ATP9B: variants seen among roughly 807,000 people sequenced by gnomAD.
The protein encoded by ATP9B is probable phospholipid-transporting ATPase IIB.
In ATP9B, 110 loss-of-function variants were observed where a neutral mutation model predicts 146.1. The ratio of observed to expected loss-of-function variants is 0.75; its 90% CI spans 0.65 to 0.88. The LOEUF is 0.88. ATP9B is among the 40% of genes least tolerant of loss of function. The pLI is 0.00. For synonymous variants in ATP9B, 604 were observed against 569.7 expected, an observed-to-expected ratio of 1.06 and a Z score of -0.86; for missense variants, 1,499 against 1,496.4, an observed-to-expected ratio of 1.00 and a Z score of -0.03.
chr18:79,080,042 A>T (rs963032816), intron 1 of ATP9B, among the ~76,000 whole-genome samples: 1 of 152,070 alleles, frequency 6.6e-6, no homozygotes, highest in African/African-American at 2.4e-5. Flanking sequence ...CTGTTACTGT[A>T]GCCTTGTAGT....
rs186477273 is a variant in ATP9B at position 79,074,173 on chromosome 18, C to T, written c.119+4644C>T. Among the ~76,000 whole-genome samples, 9 of 152,282 alleles carry T rather than the reference C, an allele frequency of 5.9e-5. No individual in the cohort carries two copies. The East Asian group carries it at 1.7e-3, about 29-fold the overall frequency. On this transcript the variant is annotated intron_variant, in intron 1 of 29. Transcript: ENST00000426216. Reference sequence around the variant, plus strand: ...TTATGTGGTATCACTGGGGCTCTTCCTGGTCTCTGTTGGTGCTGCGTGAGA... The same window carrying T: ...TTATGTGGTATCACTGGGGCTCTTCTTGGTCTCTGTTGGTGCTGCGTGAGA...
intron 4 of ATP9B, among the ~76,000 whole-genome samples, chr18:79,124,023 G>A (rs1181326156): frequency 6.6e-6 from 1 of 152,214 alleles, no homozygotes; most frequent in Non-Finnish European, 1.5e-5. Flanking sequence ...GTGTTGGTGA[G>A]GATGTGGAGA....
intron 9 of ATP9B, among the ~76,000 whole-genome samples, chr18:79,196,203 A>G: frequency 6.6e-6 from 1 of 152,120 alleles, no homozygotes; most frequent in East Asian, 1.9e-4. Context: ...CTCCTTCAAA[A>G]CTGTCCTGCA....
intron 6 of ATP9B, among the ~76,000 whole-genome samples, chr18:79,153,020 G>A (rs1389787138): frequency 1.3e-5 from 2 of 151,948 alleles, no homozygotes; most frequent in African/African-American, 2.4e-5. Context: ...TTTATGTAGA[G>A]GTCTTGCACA....
intron 9 of ATP9B, among the ~76,000 whole-genome samples, chr18:79,198,672 A>C (rs1377981506): frequency 6.6e-6 from 1 of 152,226 alleles, no homozygotes; most frequent in African/African-American, 2.4e-5. Flanking sequence ...CAGTTGTCAC[A>C]CAATGATAAG....
intron 26 of ATP9B, among the ~76,000 whole-genome samples, chr18:79,369,389 T>C (rs1189963332): frequency 6.6e-6 from 1 of 151,796 alleles, no homozygotes; most frequent in African/African-American, 2.4e-5. Context: ...AAAAATTAGC[T>C]GGGTGTGGTG....
chr18:79,331,379 A>G (rs890851111), intron 17 of ATP9B, among the ~76,000 whole-genome samples: 8 of 152,368 alleles, frequency 5.3e-5, no homozygotes, highest in Non-Finnish European at 8.8e-5. Flanking sequence ...ATGATGTGCA[A>G]TTAATTGTAA....
intron 9 of ATP9B, among the ~76,000 whole-genome samples, chr18:79,199,429 GT>G (rs1434179544): frequency 2.6e-5 from 4 of 152,002 alleles, no homozygotes; most frequent in African/African-American, 9.7e-5. Context: ...GTCTTTTTTA[GT>G]TTTTAAAAAT....
intron 5 of ATP9B, among the ~76,000 whole-genome samples, chr18:79,136,714 T>C (rs914670873): frequency 1.3e-5 from 2 of 152,194 alleles, no homozygotes; most frequent in Non-Finnish European, 2.9e-5. Context: ...CCACAAGGTC[T>C]ATTCTATTGT....
At chr18:79,327,711 C>CTGAGCA (rs2096762723) in intron 15 of ATP9B, among the ~76,000 whole-genome samples, 1 of 84,372 alleles carries the variant, frequency 1.2e-5, no homozygotes, top group Non-Finnish European at 2.3e-5. Context: ...GTGCTCTCTC[C>CTGAGCA]ATGGTTAGCG....
In ATP9B at chr18:79,327,646, C is replaced by CGTGCCCTCCGTGTTT. The variant is rs1242877078; in HGVS notation, c.1774-1495_1774-1494insGTGCCCTCCGTGTTT. 4.0e-5 allele frequency among the ~76,000 whole-genome samples: 5 copies of CGTGCCCTCCGTGTTT among 124,326 alleles called. No individual in the cohort carries two copies. In the South Asian group the frequency reaches 8.3e-4, roughly 21 times the overall value. 81.6% of individuals were successfully genotyped at this position (124,326 alleles called of 152,430 possible). A position where few individuals can be genotyped will look rare whatever the true frequency, so the allele number is the denominator to read the frequency against. On this transcript the variant is annotated intron_variant, in intron 15 of 29. Transcript: ENST00000426216. ...TGGTTAGTGTGCCCTCCCTGGTTAG[C>CGTGCCCTCCGTGTTT]ATGCTCTCCGTGTTTAGCGTGCTCT...
chr18:79,375,526 C>G, intron 29 of ATP9B, 100 bp downstream of exon 29: 2 of 1,521,848 alleles, frequency 1.3e-6, no homozygotes, highest in South Asian at 2.4e-5. Context: ...TCCTCTAATT[C>G]AGTGTTCCTC....
intron 1 of ATP9B, 120 bp from the exon 2 acceptor site, chr18:79,096,352 CTTAT>C: frequency 1.1e-6 from 1 of 934,350 alleles, no homozygotes; most frequent in Non-Finnish European, 1.6e-6. Flanking sequence ...CCTCTGCAGT[CTTAT>C]TTATAATGCT....
intron 7 of ATP9B, among the ~76,000 whole-genome samples, chr18:79,167,098 G>A (rs2094979846): frequency 1.3e-5 from 2 of 152,226 alleles, no homozygotes; most frequent in Non-Finnish European, 2.9e-5. Flanking sequence ...CAAAGAGGAT[G>A]TCACAGCCCT....
Position 79,071,886 on chromosome 18 carries a change from TTTG to T in ATP9B, c.119+2360_119+2362del, listed in dbSNP as rs1332024490. Among the ~76,000 whole-genome samples, 639 of 72,568 alleles carry T rather than the reference TTTG, an allele frequency of 8.8e-3. 8 individuals carry two copies. The highest frequency in any genetic ancestry group is 0.045 in the Middle Eastern group (5 of 112). 47.6% of individuals were successfully genotyped at this position (72,568 alleles called of 152,430 possible). A position where few individuals can be genotyped will look rare whatever the true frequency, so the allele number is the denominator to read the frequency against. On this transcript the variant is annotated intron_variant, in intron 1 of 29. Transcript: ENST00000426216. ...GATTTCTTTGGATTTCATGTTTGGT[TTTG>T]TTTTTTTTTTTTTTTTTGGTTTTCG...
chr18:79,191,218 C>G (rs922283140), intron 8 of ATP9B, among the ~76,000 whole-genome samples: 2 of 151,906 alleles, frequency 1.3e-5, no homozygotes, highest in South Asian at 4.2e-4. Context: ...TAGTTCTTCT[C>G]TTGTGTATAA....
At chr18:79,188,140 T>C (rs2095326503) in intron 8 of ATP9B, among the ~76,000 whole-genome samples, 1 of 152,096 alleles carries the variant, frequency 6.6e-6, no homozygotes, top group African/African-American at 2.4e-5. Context: ...CCAGAGGAAG[T>C]AGGTGTTCCA....
At chr18:79,211,773 G>A (rs1173078254) in intron 10 of ATP9B, among the ~76,000 whole-genome samples, 1 of 152,136 alleles carries the variant, frequency 6.6e-6, no homozygotes, top group African/African-American at 2.4e-5. Context: ...TTGTTGTTGT[G>A]GTTGTGGTTT....
chr18:79,297,286 G>T (rs1438185942), intron 13 of ATP9B, among the ~76,000 whole-genome samples: 1 of 148,774 alleles, frequency 6.7e-6, no homozygotes, highest in Non-Finnish European at 1.5e-5. Context: ...GACCCAGAGA[G>T]GAGACACAGA....
Sources: gnomAD v4.1 joint callset for allele counts (sites outside exome capture counted in the v4.1 genomes callset) on GRCh38, gnomAD v4.1.1 for gene constraint, MANE v1.5 for transcripts, NCBI Gene and HGNC (gene_info 2026-07-23, HGNC 2026-07-21) for gene names.